The following GALNT2 variants were observed in gnomAD, a reference collection of about 807,000 sequenced individuals.
GALNT2 encodes polypeptide N-acetylgalactosaminyltransferase 2, also known as UDP-GalNAc:polypeptide N-acetylgalactosaminyltransferase 2.
In GALNT2, 31 loss-of-function variants were observed where a neutral mutation model predicts 81.4. The ratio of observed to expected loss-of-function variants is 0.38; its 90% CI spans 0.29 to 0.51. GALNT2 has a LOEUF of 0.51. Ranked by LOEUF, GALNT2 falls within the 20% of genes least tolerant of loss-of-function variation. The pLI is 0.87. For synonymous variants in GALNT2, 303 were observed against 287.4 expected (o/e 1.05, Z -0.55); for missense variants, 629 against 765.7 (o/e 0.82, Z 2.11).
At chr1:230,091,022 A>G (rs55964004) in intron 1 of GALNT2, among the ~76,000 whole-genome samples, 5,943 of 152,182 alleles carry the variant, frequency 0.039, 397 homozygotes, top group African/African-American at 0.13. Flanking sequence ...TGAGAAAGCC[A>G]GCACTCCTGG....
In GALNT2 at chr1:230,279,290, C is replaced by T; in HGVS notation, c.1561-13C>T. 6.2e-7 allele frequency: 1 copy of T among 1,612,684 alleles called. No homozygotes were observed. Among genetic ancestry groups the T allele is most frequent in the Non-Finnish European group, 8.5e-7 (1 of 1,179,088 alleles). On this transcript the variant is annotated splice_polypyrimidine_tract_variant and intron_variant, in intron 15 of 15. Transcript: ENST00000366672. This position sits in a 1 kb window ranked among gnomAD's most constrained non-coding sequence, Gnocchi z 4.6. The stretch of plus-strand genomic sequence containing the variant: ...TGTGCCCACACTCTAAGGCACTCTC[C>T]TGTGTCTTGCAGAAATGGGAACAGA...
In GALNT2 at chr1:230,271,839, G is replaced by C. The variant is rs1047108573; in HGVS notation, c.1441-2606G>C. On this transcript the variant is annotated intron_variant, in intron 14 of 15. Coordinates refer to ENST00000366672, the MANE Select transcript of GALNT2 (RefSeq NM_004481.5). The surrounding 1 kb of genome is among the most constrained non-coding windows in gnomAD (Gnocchi z 4.2). ...CCCGGAGTGCAAGGACTTTGACGGA[G>C]GCCTCATCACATGGGCATGATCTCC... Among the ~76,000 whole-genome samples, 5 of 152,182 alleles carry C rather than the reference G, an allele frequency of 3.3e-5. No homozygotes were observed. Among genetic ancestry groups the C allele is most frequent in the African/African-American group, 1.2e-4 (5 of 41,444 alleles).
chr1:230,074,027 AGGGTACTTTCG>A (rs1309340073), intron 1 of GALNT2, among the ~76,000 whole-genome samples: 2 of 152,064 alleles, frequency 1.3e-5, no homozygotes, highest in Non-Finnish European at 2.9e-5. Context: ...GGCAGGGACA[AGGGTACTTTCG>A]GGACTGTGGT....
At chr1:230,149,633 A>G (rs959224575) in intron 1 of GALNT2, among the ~76,000 whole-genome samples, 1 of 152,128 alleles carries the variant, frequency 6.6e-6, no homozygotes, top group Admixed American at 6.5e-5. Flanking sequence ...GCGTCCTGCC[A>G]CAGTGTTACC....
intron 1 of GALNT2, among the ~76,000 whole-genome samples, chr1:230,087,800 A>G (rs1659943569): frequency 6.6e-6 from 1 of 152,170 alleles, no homozygotes; most frequent in African/African-American, 2.4e-5. Context: ...CTTTTGGAAT[A>G]CTTGGGTGTT....
intron 1 of GALNT2, among the ~76,000 whole-genome samples, chr1:230,069,784 T>TA (rs1451797984): frequency 3.5e-5 from 3 of 85,654 alleles, no homozygotes; most frequent in African/African-American, 1.5e-4. Context: ...AGGCAGAATT[T>TA]AAAAGCTAGC....
intron 1 of GALNT2, among the ~76,000 whole-genome samples, chr1:230,174,746 C>T (rs1662905472): frequency 2.0e-5 from 3 of 152,172 alleles, no homozygotes; most frequent in African/African-American, 7.2e-5. Context: ...CTTGTGCCCT[C>T]TAGTCTGCCC....
Position 230,279,300 on chromosome 1 carries a change from C to A in GALNT2, c.1561-3C>A. On this transcript the variant is annotated splice_polypyrimidine_tract_variant and splice_region_variant and intron_variant, in intron 15 of 15. Transcript: ENST00000366672. The surrounding 1 kb of genome is among the most constrained non-coding windows in gnomAD (Gnocchi z 4.6). ...CTCTAAGGCACTCTCCTGTGTCTTG[C>A]AGAAATGGGAACAGATCGAGGGCAA... 1.2e-6 allele frequency: 2 copies of A among 1,613,224 alleles called. No homozygotes were observed. The highest frequency in any genetic ancestry group is 1.7e-6 in the Non-Finnish European group (2 of 1,179,404).
intron 1 of GALNT2, among the ~76,000 whole-genome samples, chr1:230,100,140 A>G (rs538771954): frequency 1.3e-5 from 2 of 152,144 alleles, no homozygotes; most frequent in South Asian, 2.1e-4. Context: ...AGTGGTTTTA[A>G]TTTGCTGTGA....
At chr1:230,276,552 G>A (rs538986538) in intron 15 of GALNT2, among the ~76,000 whole-genome samples, 1 of 152,286 alleles carries the variant, frequency 6.6e-6, no homozygotes, top group Admixed American at 6.5e-5. Context: ...CCAGGACCGA[G>A]TCCCCGGTTC....
chr1:230,089,705 T>C (rs1660003843), intron 1 of GALNT2, among the ~76,000 whole-genome samples: 1 of 152,226 alleles, frequency 6.6e-6, no homozygotes, highest in African/African-American at 2.4e-5. Context: ...CTTAGCATAA[T>C]ACCTACAAGG....
chr1:230,059,573 G>A (rs558112665), intron 1 of GALNT2, among the ~76,000 whole-genome samples: 2 of 152,302 alleles, frequency 1.3e-5, no homozygotes, highest in African/African-American at 4.8e-5. Flanking sequence ...TCTTTTAGAC[G>A]CTTGGGCTGT....
chr1:230,067,759 G>T (rs1659243102), intron 1 of GALNT2, among the ~76,000 whole-genome samples: 1 of 152,224 alleles, frequency 6.6e-6, no homozygotes, highest in African/African-American at 2.4e-5. Context: ...AGGGGGTGGG[G>T]AGGAGAGGAG....
intron 11 of GALNT2, among the ~76,000 whole-genome samples, chr1:230,256,570 G>C (rs1665722503): frequency 6.6e-6 from 1 of 152,086 alleles, no homozygotes; most frequent in South Asian, 2.1e-4. Context: ...TACTAATTGT[G>C]TATACCACAA....
intron 1 of GALNT2, among the ~76,000 whole-genome samples, chr1:230,075,411 G>C (rs966363412): frequency 6.6e-6 from 1 of 152,098 alleles, no homozygotes; most frequent in Non-Finnish European, 1.5e-5. Context: ...GTGAGCCACC[G>C]TGCCCGGCTG....
intron 15 of GALNT2, among the ~76,000 whole-genome samples, chr1:230,277,582 A>AAAAG (rs1666334325): frequency 6.6e-6 from 1 of 152,268 alleles, no homozygotes; most frequent in South Asian, 2.1e-4. Context: ...GGCACTTAGC[A>AAAAG]AAAGCCTCCC....
chr1:230,211,059 C>T (rs764425604), intron 3 of GALNT2, among the ~76,000 whole-genome samples: 4 of 152,212 alleles, frequency 2.6e-5, no homozygotes, highest in Non-Finnish European at 5.9e-5. Flanking sequence ...CCACACAGCT[C>T]CCCAGTGGGA....
chr1:230,082,191 A>G (rs928062452), intron 1 of GALNT2, among the ~76,000 whole-genome samples: 2 of 152,156 alleles, frequency 1.3e-5, no homozygotes, highest in Admixed American at 6.5e-5. Flanking sequence ...GGCAATGTGG[A>G]GTTGCCTTCA....
At chr1:230,217,881 A>T (rs1323524855) in intron 3 of GALNT2, among the ~76,000 whole-genome samples, 3 of 152,236 alleles carry the variant, frequency 2.0e-5, no homozygotes, top group Non-Finnish European at 4.4e-5. Context: ...TTCTGTCACC[A>T]CTACATTGGC....
Sources: gnomAD v4.1 joint callset for allele counts (sites outside exome capture counted in the v4.1 genomes callset) on GRCh38, gnomAD v4.1.1 for gene constraint, Gnocchi (gnomAD v3.1) non-coding constraint, MANE v1.5 for transcripts, NCBI Gene and HGNC (gene_info 2026-07-23, HGNC 2026-07-21) for gene names.